NAV1: variants seen among roughly 807,000 people sequenced by gnomAD.
The protein encoded by NAV1 is neuron navigator 1, also known as pore membrane and/or filament interacting like protein 3.
A neutral mutation model predicts 175.2 loss-of-function variants in NAV1; 18 were observed. That is an observed-to-expected ratio of 0.10 (90% confidence interval 0.07 to 0.15). NAV1 has a LOEUF of 0.15. NAV1 is among the 10% of genes least tolerant of loss of function. NAV1 has a pLI of 1.00. For missense variants in NAV1, 1,731 were observed against 2,436.6 expected (o/e 0.71, Z 6.10); for synonymous variants, 897 against 978.7 (o/e 0.92, Z 1.56).
chr1:201,605,326 A>G (rs1179874719), intron 2 of NAV1, among the ~76,000 whole-genome samples: 2 of 151,244 alleles, frequency 1.3e-5, no homozygotes, highest in Non-Finnish European at 2.9e-5. Context: ...TTGTGTTAGA[A>G]TCTCCATGAC....
At position 201,704,057 on chromosome 1, in the gene NAV1, T is replaced by C. The variant is rs192301260; in HGVS notation, c.758-8760T>C. On this transcript the variant is annotated intron_variant, in intron 1 of 29. Transcript: ENST00000367296. ...GAGCTTGCCAAGTGGGGCTTGTGGG[T>C]CCCCAGAACCTCCCTGGTGCCGAAG... Among the ~76,000 whole-genome samples the C allele has an allele frequency of 8.0e-4, 122 of 152,240 alleles. 5 individuals carry two copies. In the East Asian group the frequency reaches 0.021, roughly 26 times the overall value.
rs1674500484 is a variant in NAV1 at position 201,756,809 on chromosome 1, C to CTTCTTTCTTTCTTTCTCT, written c.1227-23596_1227-23595insCTTTCTTTCTTTCTTTCT. 3.3e-4 allele frequency among the ~76,000 whole-genome samples: 9 copies of CTTCTTTCTTTCTTTCTCT among 27,002 alleles called. No homozygotes were observed. In the South Asian group the frequency reaches 7.1e-3, roughly 21 times the overall value. 17.7% of individuals were successfully genotyped at this position (27,002 alleles called of 152,430 possible). ...ATGAGCAATTCTCTTTCTTTCTTTC[C>CTTCTTTCTTTCTTTCTCT]TTCTTTCTTTCTTTCTTTCTTTCTT... is the stretch of plus-strand genomic sequence containing the variant. On this transcript the variant is annotated intron_variant, in intron 3 of 29. Transcript: ENST00000367296.
intron 1 of NAV1, among the ~76,000 whole-genome samples, chr1:201,700,132 A>C (rs1671353664): frequency 6.6e-6 from 1 of 152,262 alleles, no homozygotes; most frequent in Non-Finnish European, 1.5e-5. Flanking sequence ...AGCAAAAGAA[A>C]CCACCATCAG....
At chr1:201,593,641 C>T (rs574246841) in intron 2 of NAV1, among the ~76,000 whole-genome samples, 11 of 152,150 alleles carry the variant, frequency 7.2e-5, no homozygotes, top group East Asian at 5.8e-4. Context: ...TGGGCCCGCA[C>T]GATATGTGCA....
intron 1 of NAV1, among the ~76,000 whole-genome samples, chr1:201,628,176 C>T (rs1315830639): frequency 1.3e-5 from 2 of 150,892 alleles, no homozygotes; most frequent in Admixed American, 6.6e-5. Context: ...TAGTACATGG[C>T]GATTGTCCCC....
At chr1:201,681,742 G>T (rs917096927) in intron 1 of NAV1, among the ~76,000 whole-genome samples, 1 of 152,188 alleles carries the variant, frequency 6.6e-6, no homozygotes, top group African/African-American at 2.4e-5. Flanking sequence ...GGGGGCCGAG[G>T]GGGGCAGATC....
At chr1:201,561,259 T>C (rs1666189035) in intron 1 of NAV1, among the ~76,000 whole-genome samples, 1 of 152,146 alleles carries the variant, frequency 6.6e-6, no homozygotes, top group South Asian at 2.1e-4. Context: ...TAGTCCTAAG[T>C]GTAGTAATTT....
At chr1:201,669,201 T>TG (rs113622211) in intron 1 of NAV1, among the ~76,000 whole-genome samples, 81 of 152,338 alleles carry the variant, frequency 5.3e-4, no homozygotes, top group African/African-American at 1.8e-3. Context: ...TACAACTTTG[T>TG]GGGGCAGATG....
intron 2 of NAV1, among the ~76,000 whole-genome samples, chr1:201,597,287 G>A (rs1387031854): frequency 2.0e-5 from 3 of 152,216 alleles, no homozygotes; most frequent in Non-Finnish European, 2.9e-5. Context: ...TAGGTCTTCT[G>A]CAGTCCCATC....
intron 1 of NAV1, among the ~76,000 whole-genome samples, chr1:201,571,669 G>A (rs906676629): frequency 2.6e-5 from 4 of 152,240 alleles, no homozygotes; most frequent in Non-Finnish European, 5.9e-5. Context: ...AGCCTGGCTA[G>A]GCGTTCTGTT....
intron 16 of NAV1, 55 bp downstream of exon 20, chr1:201,803,769 A>T (rs1678096772): frequency 6.3e-7 from 1 of 1,585,894 alleles, no homozygotes; most frequent in Non-Finnish European, 8.6e-7. Flanking sequence ...GACCGCCTTC[A>T]CCTCAGCATA....
chr1:201,737,234 ACG>A (rs1240565243), intron 3 of NAV1: 1 of 152,250 alleles, frequency 6.6e-6, no homozygotes, highest in African/African-American at 2.4e-5. Context: ...TTAAGTAGCA[ACG>A]CTTCTGGGAT....
chr1:201,701,539 G>A (rs1558079367), intron 1 of NAV1, among the ~76,000 whole-genome samples: 1 of 152,222 alleles, frequency 6.6e-6, no homozygotes, highest in Non-Finnish European at 1.5e-5. Context: ...ACGAGCTGGT[G>A]TAATGATGTG....
intron 1 of NAV1, among the ~76,000 whole-genome samples, chr1:201,553,706 G>A (rs34792078): frequency 0.022 from 3,413 of 152,204 alleles, 50 homozygotes; most frequent in Non-Finnish European, 0.033. Context: ...GTTCTGATTC[G>A]TATCATCATA....
intron 2 of NAV1, among the ~76,000 whole-genome samples, chr1:201,592,636 G>C (rs536234136): frequency 1.3e-5 from 2 of 152,236 alleles, no homozygotes; most frequent in East Asian, 1.9e-4. Flanking sequence ...AGGCTTCCTG[G>C]GGGGAGGTGG....
exon 30 of NAV1, chr1:201,825,522 T>C (rs1457358655): frequency 1.3e-5 from 2 of 152,216 alleles, no homozygotes; most frequent in East Asian, 3.9e-4. Context: ...ACTCAGCTCA[T>C]AGGAGAGTCT....
chr1:201,647,011 G>A (rs1196845980), upstream of NAV1, among the ~76,000 whole-genome samples: 2 of 152,192 alleles, frequency 1.3e-5, no homozygotes, highest in Non-Finnish European at 2.9e-5. Flanking sequence ...TGGGTTTGGG[G>A]TGGGGAGATA....
At chr1:201,599,387 C>T (rs959462013) in intron 2 of NAV1, among the ~76,000 whole-genome samples, 2 of 152,202 alleles carry the variant, frequency 1.3e-5, no homozygotes, top group African/African-American at 2.4e-5. Context: ...AATCAGCCAC[C>T]CTAGTCCATT....
At position 201,656,754 on chromosome 1, in the gene NAV1, T is replaced by C. The variant is rs1388003054; in HGVS notation, c.757+7329T>C. 2.6e-5 allele frequency among the ~76,000 whole-genome samples: 4 copies of C among 152,306 alleles called. No individual in the cohort carries two copies. In the East Asian group the frequency reaches 5.8e-4, roughly 22 times the overall value. ...CATACTGAAGGGACATTTGCGTGCA[T>C]GTATATGTAACAGCTGGGCAGGTTT... is the stretch of plus-strand genomic sequence containing the variant. On this transcript the variant is annotated intron_variant, in intron 1 of 29. Transcript: ENST00000367296.
Sources: allele counts gnomAD v4.1 joint callset (sites outside exome capture counted in the v4.1 genomes callset), GRCh38; gene constraint gnomAD v4.1.1; transcripts MANE v1.5; gene names NCBI Gene and HGNC (gene_info 2026-07-23, HGNC 2026-07-21).